RASA1: variants seen among roughly 807,000 people sequenced by gnomAD.
RASA1 encodes the protein RAS p21 protein activator 1, also known as ras GTPase-activating protein 1.
A neutral mutation model predicts 132.2 loss-of-function variants in RASA1; 25 were observed. The ratio of observed to expected loss-of-function variants is 0.19; its 90% CI spans 0.14 to 0.26. The LOEUF (loss-of-function observed/expected upper bound fraction) is 0.26. RASA1 is among the 10% of genes least tolerant of loss of function. RASA1 has a pLI of 1.00. For synonymous variants in RASA1, 477 were observed against 449.9 expected, an observed-to-expected ratio of 1.06 and a Z score of -0.76; for missense variants, 964 against 1,299.2, an observed-to-expected ratio of 0.74 and a Z score of 3.97.
At position 87,346,661 on chromosome 5, in the gene RASA1, C is replaced by A. The variant is rs748571626; in HGVS notation, c.1050-11C>A. The A allele has an allele frequency of 6.6e-7, 1 of 1,513,160 alleles. No individual in the cohort carries two copies. Among genetic ancestry groups the A allele is most frequent in the Non-Finnish European group, 9.2e-7 (1 of 1,092,742 alleles). The allele number at this position is 1,513,160 out of a possible 1,614,324, so 93.7% of individuals were successfully genotyped here. On this transcript the variant is annotated splice_polypyrimidine_tract_variant and intron_variant, in intron 6 of 24. Transcript: ENST00000274376. ...ACTTTATTTATATATCTAATTTATT[C>A]TCTTTTTAAGATGGTTCCATGGGAA...
chr5:87,344,867 C>T (rs1484308514), intron 6 of RASA1, among the ~76,000 whole-genome samples: 1 of 151,890 alleles, frequency 6.6e-6, no homozygotes, highest in East Asian at 1.9e-4. Context: ...CAGAATTCTT[C>T]CATTCATACT....
intron 1 of RASA1, among the ~76,000 whole-genome samples, chr5:87,286,987 TAC>T (rs1209335648): frequency 1.4e-5 from 2 of 148,112 alleles, no homozygotes; most frequent in African/African-American, 2.5e-5. Context: ...ATACCATATA[TAC>T]ACACCATATA....
chr5:87,349,114 A>G (rs1003054537), intron 7 of RASA1, 100 bp from the exon 8 acceptor site: 7 of 1,380,316 alleles, frequency 5.1e-6, no homozygotes, highest in African/African-American at 4.4e-5. Flanking sequence ...GAAAATTTAC[A>G]TATGTTTATG....
chr5:87,359,376 C>G (rs750380036), intron 9 of RASA1, among the ~76,000 whole-genome samples: 6 of 152,100 alleles, frequency 3.9e-5, no homozygotes, highest in Admixed American at 6.6e-5. Context: ...CGTAGAGAAG[C>G]CTTTCTCCTC....
intron 1 of RASA1, among the ~76,000 whole-genome samples, chr5:87,277,093 T>C (rs1754097680): frequency 6.6e-6 from 1 of 152,196 alleles, no homozygotes; most frequent in Admixed American, 6.5e-5. Context: ...ATATAGATTA[T>C]CTTATTTAAT....
intron 1 of RASA1, among the ~76,000 whole-genome samples, chr5:87,287,638 TATACC>T (rs201329728): frequency 0.011 from 1,569 of 148,616 alleles, 26 homozygotes; most frequent in African/African-American, 0.037. Context: ...ACGCCATAGA[TATACC>T]ATATATATAC....
At chr5:87,338,521 A>T (rs1194090426) in intron 5 of RASA1, among the ~76,000 whole-genome samples, 25 of 99,726 alleles carry the variant, frequency 2.5e-4, no homozygotes, top group East Asian at 1.3e-3. Context: ...ATATATATAT[A>T]TATATATATA....
intron 1 of RASA1, among the ~76,000 whole-genome samples, chr5:87,324,852 CATA>C (rs1757107229): frequency 6.6e-6 from 1 of 151,956 alleles, no homozygotes; most frequent in Non-Finnish European, 1.5e-5. Context: ...TAGTCTCTAT[CATA>C]GTGATTTGAA....
At chr5:87,387,525 A>AACTT (rs1337191867) in intron 23 of RASA1, among the ~76,000 whole-genome samples, 1 of 152,166 alleles carries the variant, frequency 6.6e-6, no homozygotes, top group East Asian at 1.9e-4. Context: ...TTTTAAACTA[A>AACTT]ACTTATTAGT....
At chr5:87,337,004 T>A (rs911859989) in intron 4 of RASA1, among the ~76,000 whole-genome samples, 3 of 152,044 alleles carry the variant, frequency 2.0e-5, no homozygotes, top group African/African-American at 7.2e-5. Flanking sequence ...CTTTCAAGGA[T>A]AGGAGAAGAG....
chr5:87,321,500 C>T (rs557929358), intron 1 of RASA1, among the ~76,000 whole-genome samples: 10 of 152,314 alleles, frequency 6.6e-5, no homozygotes, highest in African/African-American at 2.2e-4. Context: ...GTTGGGGTTT[C>T]CACAACCCCC....
At chr5:87,276,954 G>A (rs987273492) in intron 1 of RASA1, among the ~76,000 whole-genome samples, 2 of 152,064 alleles carry the variant, frequency 1.3e-5, no homozygotes, top group Admixed American at 6.5e-5. Flanking sequence ...GACAGAATCC[G>A]ATTCTCATAC....
At chr5:87,353,964 C>G (rs1468426531) in intron 9 of RASA1, among the ~76,000 whole-genome samples, 1 of 152,144 alleles carries the variant, frequency 6.6e-6, no homozygotes, top group East Asian at 1.9e-4. Flanking sequence ...TAATAATTTT[C>G]CTAAGTGGAA....
At chr5:87,383,456 C>T (rs773626190) in intron 20 of RASA1, among the ~76,000 whole-genome samples, 6 of 152,138 alleles carry the variant, frequency 3.9e-5, no homozygotes, top group South Asian at 2.1e-4. Flanking sequence ...ACAACATTTT[C>T]CCAAAGTTAA....
At chr5:87,277,203 T>C (rs142850527) in intron 1 of RASA1, among the ~76,000 whole-genome samples, 4 of 152,310 alleles carry the variant, frequency 2.6e-5, no homozygotes, top group African/African-American at 9.6e-5. Context: ...TTTTATTTTG[T>C]CTTGCCCCTT....
rs1760735308 is a variant in RASA1 at position 87,369,047 on chromosome 5, A to C, written c.1611-766A>C. Among the ~76,000 whole-genome samples the C allele has an allele frequency of 2.0e-5, 3 of 152,188 alleles. No homozygotes were observed. The South Asian group carries it at 6.2e-4, about 31-fold the overall frequency. On this transcript the variant is annotated intron_variant, in intron 11 of 24. Coordinates refer to ENST00000274376, the MANE Select transcript of RASA1 (RefSeq NM_002890.3). The stretch of plus-strand genomic sequence containing the variant: ...TAGTCTTTATCTTTAATAAGTGTTA[A>C]GCTTGTCCTCTGTGTATTTTTGCTA...
chr5:87,322,547 C>T (rs1468540640), intron 1 of RASA1, among the ~76,000 whole-genome samples: 2 of 152,156 alleles, frequency 1.3e-5, no homozygotes, highest in Non-Finnish European at 2.9e-5. Context: ...CTCCCCCCTT[C>T]TCTTGCTCTC....
intron 1 of RASA1, among the ~76,000 whole-genome samples, chr5:87,288,648 C>G (rs969658633): frequency 2.6e-5 from 4 of 152,048 alleles, no homozygotes; most frequent in African/African-American, 9.7e-5. Context: ...AGGATGGAAT[C>G]TGTTTCTGGT....
chr5:87,374,983 G>A (rs1014510383), intron 15 of RASA1, 67 bp downstream of exon 15: 2 of 1,532,750 alleles, frequency 1.3e-6, no homozygotes, highest in Non-Finnish European at 1.7e-6. Context: ...AATTCACAAT[G>A]AAAGTCTTAA....
Sources: allele counts gnomAD v4.1 joint callset (sites outside exome capture counted in the v4.1 genomes callset), GRCh38; gene constraint gnomAD v4.1.1; transcripts MANE v1.5; gene names NCBI Gene and HGNC (gene_info 2026-07-23, HGNC 2026-07-21).